The following FKBP5 variants were observed in gnomAD, a reference collection of about 807,000 sequenced individuals.
FKBP5 encodes the protein FKBP prolyl isomerase 5.
FKBP5 carries 23 observed loss-of-function variants against 50.5 expected under a neutral mutation model. The observed-to-expected ratio is 0.46, with a 90% CI of 0.33 to 0.65. The LOEUF is 0.65. FKBP5 is among the 30% of genes least tolerant of loss of function. The pLI is 0.02. For synonymous variants in FKBP5, 176 were observed against 190.6 expected, an observed-to-expected ratio of 0.92 and a Z score of 0.63; for missense variants, 411 against 553.1, an observed-to-expected ratio of 0.74 and a Z score of 2.58.
chr6:35,649,267 A>AC (rs957087660), intron 1 of FKBP5, among the ~76,000 whole-genome samples: 8 of 151,518 alleles, frequency 5.3e-5, no homozygotes, highest in African/African-American at 1.9e-4. Flanking sequence ...AAAAAAAAAA[A>AC]AAGAATTTAG....
At chr6:35,598,949 T>C (rs1763063656) in intron 5 of FKBP5, among the ~76,000 whole-genome samples, 1 of 152,088 alleles carries the variant, frequency 6.6e-6, no homozygotes, top group Admixed American at 6.6e-5. Flanking sequence ...GCCTCCAGCC[T>C]GGGCAACAGA....
intron 1 of FKBP5, among the ~76,000 whole-genome samples, chr6:35,652,436 T>C (rs1294460657): frequency 6.6e-6 from 1 of 152,210 alleles, no homozygotes; most frequent in Non-Finnish European, 1.5e-5. Flanking sequence ...TTTCTCAGCA[T>C]GGAAAGTCCC....
intron 1 of FKBP5, among the ~76,000 whole-genome samples, chr6:35,676,534 A>G (rs778716491): frequency 1.3e-5 from 2 of 152,238 alleles, no homozygotes; most frequent in Non-Finnish European, 2.9e-5. Context: ...ATCTCATTCC[A>G]GTGTCTAGTC....
intron 3 of FKBP5, among the ~76,000 whole-genome samples, chr6:35,621,596 C>T (rs1466035261): frequency 7.0e-6 from 1 of 143,314 alleles, no homozygotes; most frequent in Non-Finnish European, 1.5e-5. Context: ...CCAGCCTGGG[C>T]GACACAGCAA....
intron 1 of FKBP5, among the ~76,000 whole-genome samples, chr6:35,676,299 A>G (rs531956708): frequency 2.0e-5 from 3 of 152,236 alleles, no homozygotes; most frequent in Non-Finnish European, 4.4e-5. Context: ...CGGAAACAGA[A>G]AAGTATGTAT....
intron 5 of FKBP5, among the ~76,000 whole-genome samples, chr6:35,613,103 A>G (rs1172391810): frequency 2.0e-5 from 3 of 152,262 alleles, no homozygotes; most frequent in Non-Finnish European, 2.9e-5. Context: ...TTACACAGAA[A>G]TGACAGAAAT....
intron 2 of FKBP5, among the ~76,000 whole-genome samples, chr6:35,710,371 T>G (rs144583297): frequency 0.015 from 2,270 of 151,680 alleles, 22 homozygotes; most frequent in Middle Eastern, 0.024. Flanking sequence ...AGCTACTCAG[T>G]GGGAGGATCA....
At chr6:35,721,904 C>G (rs772177556) in intron 1 of FKBP5, among the ~76,000 whole-genome samples, 8 of 152,186 alleles carry the variant, frequency 5.3e-5, no homozygotes, top group Non-Finnish European at 8.8e-5. Flanking sequence ...GATTTGAACT[C>G]AGCCTTTTTT....
At chr6:35,712,493 G>T (rs1452682221) in intron 2 of FKBP5, among the ~76,000 whole-genome samples, 5 of 151,990 alleles carry the variant, frequency 3.3e-5, no homozygotes, top group Non-Finnish European at 5.9e-5. Flanking sequence ...GACCCTTATG[G>T]TTTGCTAAGG....
At chr6:35,625,995 G>C (rs1319435338) in intron 3 of FKBP5, among the ~76,000 whole-genome samples, 1 of 151,554 alleles carries the variant, frequency 6.6e-6, no homozygotes, top group East Asian at 2.0e-4. Flanking sequence ...TAGCCAGGAT[G>C]GTCTCGATCT....
At chr6:35,647,974 C>A (rs1164229610) in intron 1 of FKBP5, among the ~76,000 whole-genome samples, 1 of 152,096 alleles carries the variant, frequency 6.6e-6, no homozygotes, top group Non-Finnish European at 1.5e-5. Flanking sequence ...ATTAGATAGA[C>A]TTCGGACATT....
chr6:35,599,050 G>A (rs765372739), intron 5 of FKBP5, among the ~76,000 whole-genome samples: 11 of 151,948 alleles, frequency 7.2e-5, no homozygotes, highest in Admixed American at 1.3e-4. Flanking sequence ...TAACATAATA[G>A]CCTATATTCA....
chr6:35,702,216 A>G (rs1231750889), intron 2 of FKBP5, among the ~76,000 whole-genome samples: 7 of 152,064 alleles, frequency 4.6e-5, no homozygotes, highest in Admixed American at 2.0e-4. Context: ...ATCTTGGTCC[A>G]ATAACTCCTC....
intron 5 of FKBP5, among the ~76,000 whole-genome samples, chr6:35,601,714 G>A (rs1424310464): frequency 6.6e-6 from 1 of 152,156 alleles, no homozygotes; most frequent in East Asian, 1.9e-4. Flanking sequence ...TGGGAGTGCA[G>A]CCTGTAGGGC....
At chr6:35,717,601 G>A (rs546834947) in intron 2 of FKBP5, among the ~76,000 whole-genome samples, 24 of 152,316 alleles carry the variant, frequency 1.6e-4, no homozygotes, top group Middle Eastern at 3.4e-3. Context: ...CTGTGGGAGC[G>A]TGGGGGACAT....
chr6:35,601,827 A>C (rs529642666), intron 5 of FKBP5, among the ~76,000 whole-genome samples: 2 of 152,162 alleles, frequency 1.3e-5, no homozygotes, highest in Non-Finnish European at 2.9e-5. Context: ...GCTTCTACTT[A>C]GGGCTTTTTT....
At chr6:35,642,470 G>C (rs1764519472) in intron 2 of FKBP5, among the ~76,000 whole-genome samples, 1 of 152,040 alleles carries the variant, frequency 6.6e-6, no homozygotes, top group East Asian at 1.9e-4. Context: ...GAAAATCCCA[G>C]CTACTCAGGA....
intron 2 of FKBP5, 78 bp from the exon 3 acceptor site, chr6:35,637,236 A>G (rs1220650333): frequency 1.6e-6 from 2 of 1,245,452 alleles, no homozygotes; most frequent in Non-Finnish European, 1.1e-6. Flanking sequence ...CACACAGTCC[A>G]TCCCAAGACA....
At position 35,685,143 on chromosome 6, in the gene FKBP5, T is replaced by C. The variant is rs115634614; in HGVS notation, c.-20+3661A>G. Among the ~76,000 whole-genome samples the C allele has an allele frequency of 4.4e-3, 665 of 152,344 alleles. 3 individuals are homozygous for C. The highest frequency in any genetic ancestry group is 0.01 in the Middle Eastern group (3 of 294). On this transcript the variant is annotated intron_variant, in intron 1 of 10. Transcript: ENST00000357266. ...CTACTATAAGAAGTACAAATTATTTTGAGTAGTGGAATTTTAGTGTTCTAA... is the reference window on the plus strand; with the variant it reads ...CTACTATAAGAAGTACAAATTATTTCGAGTAGTGGAATTTTAGTGTTCTAA...
Sources: gnomAD v4.1 joint callset for allele counts (sites outside exome capture counted in the v4.1 genomes callset) on GRCh38, gnomAD v4.1.1 for gene constraint, MANE v1.5 for transcripts, NCBI Gene and HGNC (gene_info 2026-07-23, HGNC 2026-07-21) for gene names.